Variants in ZFHX3 observed in about 807,000 individuals in gnomAD.
The protein encoded by ZFHX3 is zinc finger homeobox protein 3.
ZFHX3 carries 42 observed loss-of-function variants against 279.1 expected under a neutral mutation model. That is an observed-to-expected ratio of 0.15 (90% CI 0.12 to 0.19). ZFHX3 has a LOEUF of 0.19. ZFHX3 is among the 10% of genes least tolerant of loss of function. The pLI, the probability that ZFHX3 is intolerant of heterozygous loss-of-function variation, is 1.00. For missense variants in ZFHX3, 4,981 were observed against 4,754.0 expected (o/e 1.05, Z -1.40); for synonymous variants, 2,293 against 1,957.8 (o/e 1.17, Z -4.52).
chr16:73,515,718 G>T (rs2019509177), intron 2 of ZFHX3, among the ~76,000 whole-genome samples: 1 of 152,146 alleles, frequency 6.6e-6, no homozygotes, highest in Non-Finnish European at 1.5e-5. Flanking sequence ...ATGGCTAGAG[G>T]GAATCTGGGA....
chr16:73,004,302 T>C (rs377433923), intron 1 of ZFHX3, among the ~76,000 whole-genome samples: 1 of 147,138 alleles, frequency 6.8e-6, no homozygotes, highest in East Asian at 2.0e-4. Context: ...TCCATTTTTC[T>C]CTATCTGTAT....
At chr16:73,289,033 C>T (rs1218585479) in intron 4 of ZFHX3, among the ~76,000 whole-genome samples, 5 of 149,286 alleles carry the variant, frequency 3.3e-5, no homozygotes, top group Non-Finnish European at 5.9e-5. Context: ...TTAATGTCAC[C>T]AAGTCCCCAA....
intron 5 of ZFHX3, among the ~76,000 whole-genome samples, chr16:73,154,452 C>T (rs1197458880): frequency 1.3e-5 from 2 of 152,152 alleles, no homozygotes; most frequent in African/African-American, 4.8e-5. Context: ...TAACCAGAGT[C>T]TCTACTGATG....
At chr16:73,872,577 G>A (rs922114477) in intron 1 of ZFHX3, among the ~76,000 whole-genome samples, 11 of 151,308 alleles carry the variant, frequency 7.3e-5, no homozygotes, top group Admixed American at 6.6e-4. Context: ...CATTTTCCTT[G>A]GCTCTGCATG....
intron 3 of ZFHX3, among the ~76,000 whole-genome samples, chr16:73,364,910 C>G (rs1431099395): frequency 6.6e-6 from 1 of 152,144 alleles, no homozygotes; most frequent in Non-Finnish European, 1.5e-5. Flanking sequence ...CCACTGAAAC[C>G]TCTCTCTGCC....
At chr16:73,463,048 T>A (rs1282819493) in intron 2 of ZFHX3, among the ~76,000 whole-genome samples, 1 of 152,182 alleles carries the variant, frequency 6.6e-6, no homozygotes, top group African/African-American at 2.4e-5. Flanking sequence ...CAACTCCCCT[T>A]CCAGATCTTA....
At chr16:73,194,017 T>C (rs1968094516) in intron 5 of ZFHX3, among the ~76,000 whole-genome samples, 1 of 152,214 alleles carries the variant, frequency 6.6e-6, no homozygotes, top group Non-Finnish European at 1.5e-5. Context: ...CAGTGGGTTC[T>C]TAAGCTTCTG....
At chr16:73,023,291 T>G (rs1322276636) in intron 1 of ZFHX3, among the ~76,000 whole-genome samples, 2 of 151,936 alleles carry the variant, frequency 1.3e-5, no homozygotes, top group Non-Finnish European at 2.9e-5. Flanking sequence ...ACAGGCTAGG[T>G]TTTGCCTACA....
intron 1 of ZFHX3, among the ~76,000 whole-genome samples, chr16:73,759,191 G>A (rs527908086): frequency 3.9e-5 from 6 of 152,266 alleles, no homozygotes; most frequent in East Asian, 1.9e-4. Flanking sequence ...TGTAGTGGCC[G>A]CATATTTTTA....
At chr16:73,449,325 C>A (rs902861661) in intron 3 of ZFHX3, among the ~76,000 whole-genome samples, 2 of 152,108 alleles carry the variant, frequency 1.3e-5, no homozygotes, top group African/African-American at 4.8e-5. Context: ...CTTAGGCATG[C>A]GCAAGAAATT....
At chr16:72,955,898 T>C (rs1217692349) in intron 2 of ZFHX3, among the ~76,000 whole-genome samples, 3 of 152,082 alleles carry the variant, frequency 2.0e-5, no homozygotes, top group Non-Finnish European at 2.9e-5. Flanking sequence ...CCCGAGATTC[T>C]ATGACTCCTT....
At chr16:73,381,275 C>T (rs1567466556) in intron 3 of ZFHX3, among the ~76,000 whole-genome samples, 1 of 152,064 alleles carries the variant, frequency 6.6e-6, no homozygotes, top group Non-Finnish European at 1.5e-5. Context: ...AATCAGAATT[C>T]CAGTAACATT....
At chr16:73,090,816 T>C (rs1288271116) in intron 8 of ZFHX3, among the ~76,000 whole-genome samples, 2 of 144,962 alleles carry the variant, frequency 1.4e-5, no homozygotes, top group African/African-American at 5.3e-5. Context: ...GAGGCTGAGG[T>C]GGGAGAATCA....
At chr16:73,101,536 G>A (rs1056041357) in intron 7 of ZFHX3, among the ~76,000 whole-genome samples, 1 of 151,892 alleles carries the variant, frequency 6.6e-6, no homozygotes, top group Non-Finnish European at 1.5e-5. Context: ...GCGCCACCAC[G>A]CCCAGCTAAT....
At chr16:73,077,124 G>A (rs992754076) in intron 8 of ZFHX3, among the ~76,000 whole-genome samples, 7 of 152,080 alleles carry the variant, frequency 4.6e-5, no homozygotes, top group East Asian at 1.9e-4. Context: ...CCCTCTAGAC[G>A]TCTAATGCCA....
rs889855039 is a variant in ZFHX3, at chr16:73,073,371, C to G, written c.-532-14359G>C. The stretch of plus-strand genomic sequence containing the variant: ...GAGGTCGGTCATAGATATGTCTCTC[C>G]AGGATCAACAGGATCTAAATCCTCT... On this transcript the variant is annotated intron_variant, in intron 8 of 17. Transcript: ENST00000641206. 2.6e-5 allele frequency among the ~76,000 whole-genome samples: 4 copies of G among 152,290 alleles called. No individual in the cohort carries two copies. The East Asian group carries it at 7.7e-4, about 29-fold the overall frequency.
At chr16:73,345,610 T>A (rs2016109828) in intron 3 of ZFHX3, among the ~76,000 whole-genome samples, 1 of 152,212 alleles carries the variant, frequency 6.6e-6, no homozygotes, top group Admixed American at 6.5e-5. Flanking sequence ...ATGGTGTATA[T>A]GTACCACATT....
At chr16:73,872,306 A>G (rs1404722661) in intron 1 of ZFHX3, among the ~76,000 whole-genome samples, 1 of 151,584 alleles carries the variant, frequency 6.6e-6, no homozygotes, top group Non-Finnish European at 1.5e-5. Context: ...CAGTGGCGTG[A>G]TCTTGGCTCA....
At chr16:73,786,976 A>G (rs757139049) in intron 1 of ZFHX3, among the ~76,000 whole-genome samples, 3 of 152,174 alleles carry the variant, frequency 2.0e-5, no homozygotes, top group Non-Finnish European at 4.4e-5. Flanking sequence ...TCTTTCTGTC[A>G]TCCACTAAAT....
Sources: gnomAD v4.1 joint callset for allele counts (sites outside exome capture counted in the v4.1 genomes callset) on GRCh38, gnomAD v4.1.1 for gene constraint, MANE v1.5 for transcripts, NCBI Gene and HGNC (gene_info 2026-07-23, HGNC 2026-07-21) for gene names.